SRCAP: variants seen among roughly 807,000 people sequenced by gnomAD.
The protein encoded by SRCAP is chromatin remodeling protein SRCAP.
In SRCAP, 46 loss-of-function variants were observed where a neutral mutation model predicts 263.1. That is an observed-to-expected ratio of 0.17 (90% CI 0.14 to 0.22). SRCAP has a LOEUF of 0.22. Ranked by LOEUF, SRCAP falls within the 10% of genes least tolerant of loss-of-function variation. The pLI is 1.00. For missense variants in SRCAP, 3,695 were observed against 4,181.9 expected (o/e 0.88, Z 3.21); for synonymous variants, 1,813 against 1,662.1 (o/e 1.09, Z -2.21).
rs886051906 is a variant in SRCAP at position 30,724,809 on chromosome 16, T to C, written c.5385T>C (p.Val1795=). The stretch of plus-strand genomic sequence containing the variant: ...CACTGACCTTGAGCCCTGCCCCAGT[T>C]CCTACCCTGGGCCCGGCCGCAGCTC... ...VQTLTLSPAP[V]PTLGPAAAQT... The change falls in exon 25 of 34, where the codon GTT becomes GTC. Residue 1795 remains valine, a synonymous_variant. Transcript: ENST00000262518. 2.4e-5 allele frequency: 39 copies of C among 1,613,644 alleles called. No homozygotes were observed. Among genetic ancestry groups the C allele is most frequent in the Non-Finnish European group, 3.1e-5 (37 of 1,179,770 alleles).
chr16:30,723,685 T>C lies in SRCAP; in HGVS notation c.4261T>C (p.Ser1421Pro). 1 of 1,613,956 alleles carries C rather than the reference T, an allele frequency of 6.2e-7. No individual in the cohort carries two copies. Among genetic ancestry groups the C allele is most frequent in the Non-Finnish European group, 8.5e-7 (1 of 1,179,988 alleles). ...TTCTCCAATGCCAATTCCCAACTCC[T>C]CTCCCCTTGCTAGTCCTGTGTCCTC... ...ASSPMPIPNS[S>P]PLASPVSSTV... The change falls in exon 25 of 34, where the codon TCT becomes CCT. Residue 1421 changes from serine to proline, a missense_variant. Ser to Pro is a moderately conservative substitution (Grantham distance 74, BLOSUM62 -1). Transcript: ENST00000262518.
At position 30,733,852 on chromosome 16, in the gene SRCAP, G is replaced by T. The variant is rs2053135156; in HGVS notation, c.6495-42G>T. On this transcript the variant is annotated intron_variant, in intron 29 of 33. Transcript: ENST00000262518. This position sits in a 1 kb window ranked among gnomAD's most constrained non-coding sequence, Gnocchi z 5.3. ...TTCCGTTTACTGATGGGGTTTCCTG[G>T]ATATATTTGGCTGCTTACACACGGC... 4 of 1,612,580 alleles carry T rather than the reference G, an allele frequency of 2.5e-6. No homozygotes were observed. The highest frequency in any genetic ancestry group is 3.4e-6 in the Non-Finnish European group (4 of 1,179,092).
intron 13 of SRCAP, 89 bp downstream of exon 13, chr16:30,712,528 C>T (rs2052903050): frequency 2.0e-6 from 3 of 1,516,112 alleles, no homozygotes; most frequent in Non-Finnish European, 8.9e-7. Flanking sequence ...TTGACTTTTG[C>T]TTTATTGACT....
intron 6 of SRCAP, among the ~76,000 whole-genome samples, chr16:30,709,056 TG>T (rs1157904098): frequency 6.6e-6 from 1 of 152,190 alleles, no homozygotes; most frequent in Admixed American, 6.5e-5. Context: ...TGACCTCACG[TG>T]ATCCTCCCAC....
At position 30,722,768 on chromosome 16, in the gene SRCAP, T is replaced by A. The variant is rs375168567; in HGVS notation, c.3892+20T>A. 2 of 1,596,340 alleles carry A rather than the reference T, an allele frequency of 1.3e-6. No homozygotes were observed. The highest frequency in any genetic ancestry group is 2.7e-5 in the African/African-American group (2 of 74,546). ...ACCAGGGTGAGGCTCCTGGCCTTCC[T>A]ACTTAGCCCTTGCTGGCCTTGGTCC... On this transcript the variant is annotated intron_variant, in intron 23 of 33. Coordinates refer to ENST00000262518, the MANE Select transcript of SRCAP (RefSeq NM_006662.3).
chr16:30,706,778 A>G (rs1375734229), intron 4 of SRCAP, among the ~76,000 whole-genome samples: 2 of 152,194 alleles, frequency 1.3e-5, no homozygotes, highest in East Asian at 3.8e-4. Context: ...TCTAGAATCA[A>G]GAGGGAAGTA....
At position 30,707,177 on chromosome 16, in the gene SRCAP, G is replaced by T; in HGVS notation, c.307-6G>T. On this transcript the variant is annotated splice_region_variant and splice_polypyrimidine_tract_variant and intron_variant, in intron 4 of 33. Transcript: ENST00000262518. ...ACTGTTGATTGATCTGGCTCTCCCT[G>T]ATTAGGAGGCCGAGATCGAGACTCG... 1 of 1,613,994 alleles carries T rather than the reference G, an allele frequency of 6.2e-7. No individual in the cohort carries two copies. The highest frequency in any genetic ancestry group is 1.1e-5 in the South Asian group (1 of 91,072).
At chr16:30,699,612 T>G (rs1421030984) in intron 1 of SRCAP, among the ~76,000 whole-genome samples, 8 of 152,202 alleles carry the variant, frequency 5.3e-5, no homozygotes, top group Admixed American at 2.0e-4. Flanking sequence ...AGCACCTTTC[T>G]GAGGTTCTGG....
At chr16:30,731,182 A>G (rs1165234820) in intron 27 of SRCAP, among the ~76,000 whole-genome samples, 1 of 152,164 alleles carries the variant, frequency 6.6e-6, no homozygotes, top group East Asian at 1.9e-4. Flanking sequence ...TTGCTTCATA[A>G]CTCATTGGCT....
chr16:30,729,801 C>T (rs2053096330), intron 27 of SRCAP, among the ~76,000 whole-genome samples: 1 of 152,170 alleles, frequency 6.6e-6, no homozygotes. Context: ...CAAAGTCTCG[C>T]TCAGTCGCCC....
Position 30,738,389 on chromosome 16 carries a change from G to T in SRCAP, c.8349G>T (p.Glu2783Asp), listed in dbSNP as rs1484370355. 1.3e-6 allele frequency: 2 copies of T among 1,551,208 alleles called. No homozygotes were observed. The highest frequency in any genetic ancestry group is 1.7e-6 in the Non-Finnish European group (2 of 1,149,796). The change falls in exon 34 of 34, where the codon GAG (glutamate) becomes GAT (aspartate). Residue 2783 changes from glutamate (E) to aspartate (D), a missense_variant. Physicochemically the swap from Glu to Asp is conservative, Grantham distance 45. Transcript: ENST00000262518. ...GCACCCTAGTGCCTGGGGTCTCTGAGACTAGTGCCAGCCCGGGAAGCCCGT... is the reference window on the plus strand; with the variant it reads ...GCACCCTAGTGCCTGGGGTCTCTGATACTAGTGCCAGCCCGGGAAGCCCGT... Reference protein sequence around the residue: ...AASTLVPGVSETSASPGSPSV... With the variant: ...AASTLVPGVSDTSASPGSPSV...
chr16:30,709,730 A>G lies in SRCAP; in HGVS notation c.851A>G (p.Asp284Gly), dbSNP rs765649857. 2.5e-6 allele frequency: 4 copies of G among 1,614,066 alleles called. No homozygotes were observed. The highest frequency in any genetic ancestry group is 3.4e-6 in the Non-Finnish European group (4 of 1,180,018). The change falls in exon 7 of 34, where the codon GAT (aspartate) becomes GGT (glycine). Residue 284 changes from aspartate to glycine, a missense_variant. Physicochemically the swap from Asp to Gly is moderately conservative, Grantham distance 94. This residue lies in a region of SRCAP where 44 missense variants were observed against 42.9 expected (regional missense o/e 1.03). Coordinates refer to ENST00000262518, the MANE Select transcript of SRCAP (RefSeq NM_006662.3). ...SPPPPASRLDDEDGDFQPQED... is the reference protein window; with the variant it reads ...SPPPPASRLDGEDGDFQPQED... ...CCACCCCCTGCTTCTCGCCTGGATGATGAAGGTGTGTGTTCTCTTTGGTCC... is the reference window on the plus strand; with the variant it reads ...CCACCCCCTGCTTCTCGCCTGGATGGTGAAGGTGTGTGTTCTCTTTGGTCC...
At position 30,724,620 on chromosome 16, in the gene SRCAP, G is replaced by C. The variant is rs751060190; in HGVS notation, c.5196G>C (p.Leu1732=). ...TGGTACCAACTCCAGCCCAGACACT[G>C]TCTTTGGCACCAGGACCACCACTGG... ...SSLVPTPAQT[L]SLAPGPPLGP... is the part of the protein sequence containing the mutation. Residue 1732 remains leucine, a synonymous_variant, in exon 25 of 34, where the codon CTG becomes CTC. Transcript: ENST00000262518. 1.2e-6 allele frequency: 2 copies of C among 1,613,932 alleles called. No individual in the cohort carries two copies. The highest frequency in any genetic ancestry group is 3.3e-5 in the Admixed American group (2 of 59,980).
chr16:30,724,049 C>T lies in SRCAP; in HGVS notation c.4625C>T (p.Ala1542Val). The change falls in exon 25 of 34, where the codon GCC (alanine) becomes GTC (valine). Residue 1542 changes from alanine to valine, a missense_variant. Ala to Val is a moderately conservative substitution (Grantham distance 64). Coordinates refer to ENST00000262518, the MANE Select transcript of SRCAP (RefSeq NM_006662.3). The part of the protein sequence containing the change: ...SHVPGLNSTV[A>V]PACSPVLVPA... ...GTTCCAGGGTTGAACTCAACCGTGGCCCCAGCATGCTCACCTGTCCTGGTG... is the reference window on the plus strand; with the variant it reads ...GTTCCAGGGTTGAACTCAACCGTGGTCCCAGCATGCTCACCTGTCCTGGTG... 2 of 1,613,842 alleles carry T rather than the reference C, an allele frequency of 1.2e-6. No individual in the cohort carries two copies. Among genetic ancestry groups the T allele is most frequent in the Non-Finnish European group, 1.7e-6 (2 of 1,180,016 alleles).
intron 11 of SRCAP, 25 bp downstream of exon 11, chr16:30,711,769 A>G: frequency 6.2e-7 from 1 of 1,610,414 alleles, no homozygotes. Flanking sequence ...ATGAAGCAGG[A>G]GCTGGGGAGG....
chr16:30,716,422 C>T lies in SRCAP; in HGVS notation c.2760C>T (p.Gly920=), dbSNP rs527275720. The T allele has an allele frequency of 2.8e-4, 457 of 1,614,228 alleles. 6 individuals carry two copies. The South Asian group carries it at 4.6e-3, about 16-fold the overall frequency. Residue 920 remains glycine (G), a synonymous_variant, in exon 18 of 34, where the codon GGC becomes GGT. Coordinates refer to ENST00000262518, the MANE Select transcript of SRCAP (RefSeq NM_006662.3). ...TTACCTCCCCTTTCATCACCCCAGG[C>T]ATCTGCTTCAGCACCGCCTCTCTGG... The part of the protein sequence containing the change: ...RPVTSPFITP[G]ICFSTASLVL...
chr16:30,726,697 CTTA>C (rs1235895600), intron 25 of SRCAP, among the ~76,000 whole-genome samples: 2 of 151,374 alleles, frequency 1.3e-5, no homozygotes, highest in East Asian at 1.9e-4. Flanking sequence ...TTTTTGTATT[CTTA>C]TTATTTTATT....
In SRCAP at chr16:30,738,120, G is replaced by A. The variant is rs757637739; in HGVS notation, c.8080G>A (p.Val2694Ile). The change falls in exon 34 of 34, where the codon GTT becomes ATT. Residue 2694 changes from valine to isoleucine, a missense_variant. Val to Ile is a conservative substitution (Grantham distance 29). Transcript: ENST00000262518. ...CAGCCCAGAGAAGCCACAGGAACTC[G>A]TTACAGCTGAGGTTGCAGCTCCATC... The part of the protein sequence containing the change: ...TSSPEKPQEL[V>I]TAEVAAPSTS... The A allele has an allele frequency of 1.2e-5, 19 of 1,614,128 alleles. No individual in the cohort carries two copies. The highest frequency in any genetic ancestry group is 1.7e-5 in the Admixed American group (1 of 60,026).
chr16:30,716,121 C>T lies in SRCAP; in HGVS notation c.2549C>T (p.Pro850Leu). 1 of 1,614,092 alleles carries T rather than the reference C, an allele frequency of 6.2e-7. No individual in the cohort carries two copies. Among genetic ancestry groups the T allele is most frequent in the Non-Finnish European group, 8.5e-7 (1 of 1,180,014 alleles). ...RVKVDVEKQM[P>L]KKYEHVIRCR... ...AAGGTGGATGTTGAGAAGCAGATGCCCAAAAAGTACGAGCATGTTATCCGC... is the reference window on the plus strand; with the variant it reads ...AAGGTGGATGTTGAGAAGCAGATGCTCAAAAAGTACGAGCATGTTATCCGC... The change falls in exon 17 of 34, where the codon CCC (proline) becomes CTC (leucine). Residue 850 changes from proline to leucine, a missense_variant. Pro to Leu is a moderately conservative substitution (Grantham distance 98). Coordinates refer to ENST00000262518, the MANE Select transcript of SRCAP (RefSeq NM_006662.3).
Sources: allele counts gnomAD v4.1 joint callset (sites outside exome capture counted in the v4.1 genomes callset), GRCh38; gene constraint gnomAD v4.1.1; regional missense constraint gnomAD v4.1.1; non-coding constraint Gnocchi (gnomAD v3.1); transcripts MANE v1.5; gene names NCBI Gene and HGNC (gene_info 2026-07-23, HGNC 2026-07-21).